The following C1orf87 variants were observed in gnomAD, a reference collection of about 807,000 sequenced individuals.
C1orf87 encodes uncharacterized protein C1orf87.
Under a neutral mutation model 60.5 loss-of-function variants are expected in C1orf87, and 58 were observed. The observed-to-expected ratio is 0.96, with a 90% CI of 0.78 to 1.19. The LOEUF is 1.19. Among genes scored for constraint, C1orf87 ranks in the 50% most tolerant of loss-of-function variants. The pLI, the probability that C1orf87 is intolerant of heterozygous loss-of-function variation, is 0.00. For missense variants in C1orf87, 673 were observed against 638.6 expected, an observed-to-expected ratio of 1.05 and a Z score of -0.58; for synonymous variants, 236 against 227.4, an observed-to-expected ratio of 1.04 and a Z score of -0.34.
intron 3 of C1orf87, among the ~76,000 whole-genome samples, chr1:60,047,732 C>CAAAA (rs11415374): frequency 1.4e-5 from 2 of 145,810 alleles, no homozygotes; most frequent in Non-Finnish European, 1.5e-5. Flanking sequence ...ATAGCAAGTC[C>CAAAA]AAAAAAAAAA....
At chr1:60,071,377 A>G (rs1645583103) in intron 2 of C1orf87, among the ~76,000 whole-genome samples, 1 of 152,190 alleles carries the variant, frequency 6.6e-6, no homozygotes, top group Non-Finnish European at 1.5e-5. Context: ...AAGGCCAAAG[A>G]TGTTAATTCA....
chr1:60,029,637 GTTTTT>G (rs34501342), intron 7 of C1orf87, among the ~76,000 whole-genome samples: 2 of 95,650 alleles, frequency 2.1e-5, no homozygotes, highest in Non-Finnish European at 3.8e-5. Flanking sequence ...GTCCCCCCAA[GTTTTT>G]TTTTTTTTTT....
intron 8 of C1orf87, among the ~76,000 whole-genome samples, chr1:60,021,887 A>T (rs762122113): frequency 2.0e-5 from 3 of 152,196 alleles, no homozygotes; most frequent in Non-Finnish European, 4.4e-5. Flanking sequence ...TGACAAGGAG[A>T]TATTTGAGCA....
chr1:60,029,760 C>T (rs1326582295), intron 7 of C1orf87, among the ~76,000 whole-genome samples: 1 of 151,552 alleles, frequency 6.6e-6, no homozygotes, highest in Non-Finnish European at 1.5e-5. Context: ...CCTGCCTCAG[C>T]CTCCCAAGTA....
At chr1:60,052,917 G>T (rs1038300382) in intron 3 of C1orf87, among the ~76,000 whole-genome samples, 6 of 152,266 alleles carry the variant, frequency 3.9e-5, no homozygotes, top group Non-Finnish European at 8.8e-5. Flanking sequence ...CCAATTAGTC[G>T]GTCCCCACAC....
intron 8 of C1orf87, among the ~76,000 whole-genome samples, chr1:60,020,454 G>A (rs1185757432): frequency 1.3e-5 from 2 of 152,210 alleles, no homozygotes. Context: ...CACAGGGCCA[G>A]AGCTGCCCAA....
intron 3 of C1orf87, among the ~76,000 whole-genome samples, chr1:60,044,021 GT>G (rs1248686469): frequency 6.6e-6 from 1 of 152,064 alleles, no homozygotes; most frequent in Non-Finnish European, 1.5e-5. Context: ...GAGTCTTTTT[GT>G]TTGTTTGTTT....
intron 5 of C1orf87, among the ~76,000 whole-genome samples, chr1:60,039,507 C>T (rs746118268): frequency 1.3e-5 from 2 of 152,184 alleles, no homozygotes; most frequent in Non-Finnish European, 2.9e-5. Context: ...CAGTAAATTT[C>T]AAAGATACTT....
At chr1:60,045,263 G>A (rs1645358081) in intron 3 of C1orf87, among the ~76,000 whole-genome samples, 1 of 151,928 alleles carries the variant, frequency 6.6e-6, no homozygotes, top group African/African-American at 2.4e-5. Context: ...GTGATAATGA[G>A]GACAGCCATG....
intron 5 of C1orf87, 119 bp downstream of exon 5, chr1:60,039,798 A>G: frequency 1.8e-6 from 2 of 1,108,034 alleles, no homozygotes; most frequent in South Asian, 3.1e-5. Context: ...TTTTTATCTC[A>G]GTAGTCAGGG....
chr1:60,073,442 G>A (rs559424408), intron 1 of C1orf87, among the ~76,000 whole-genome samples: 1 of 152,172 alleles, frequency 6.6e-6, no homozygotes, highest in East Asian at 1.9e-4. Context: ...TATTTGACAA[G>A]GGTCACAGAG....
At chr1:60,001,027 A>G (rs768438665) in intron 10 of C1orf87, 50 bp downstream of exon 10, 3 of 1,473,952 alleles carry the variant, frequency 2.0e-6, no homozygotes, top group Admixed American at 1.7e-5. Flanking sequence ...AGAAAAGGCC[A>G]AGTATCCATG....
intron 2 of C1orf87, among the ~76,000 whole-genome samples, chr1:60,064,440 T>G (rs1645521587): frequency 7.1e-6 from 1 of 140,160 alleles, no homozygotes; most frequent in Non-Finnish European, 1.5e-5. Context: ...AAAAGTTATG[T>G]TTACACTATA....
intron 8 of C1orf87, among the ~76,000 whole-genome samples, chr1:60,015,818 C>T (rs530143416): frequency 6.6e-6 from 1 of 152,314 alleles, no homozygotes; most frequent in East Asian, 1.9e-4. Context: ...GTGGCACGAT[C>T]TCAGCTCACT....
In C1orf87 at chr1:59,990,716, T is replaced by C; in HGVS notation, c.1598A>G (p.Asn533Ser). 1 of 1,614,030 alleles carries C rather than the reference T, an allele frequency of 6.2e-7. No individual in the cohort carries two copies. Among genetic ancestry groups the C allele is most frequent in the Admixed American group, 1.7e-5 (1 of 60,004 alleles). ...QALRRFRSGE[N>S]MLLEPALRYL... ...CCGCAGTGCTGGCTCCAAGAGCATA[T>C]TTTCTCCCGAACGGAATCTGCGCAA... is the stretch of plus-strand genomic sequence containing the variant. Residue 533 changes from asparagine (N) to serine (S), a missense_variant, in exon 12 of 12, where the codon AAT becomes AGT. Physicochemically the swap from Asn to Ser is conservative, Grantham distance 46. Transcript: ENST00000371201.
Position 60,033,585 on chromosome 1 carries a change from A to G in C1orf87, c.920T>C (p.Ile307Thr). 6.2e-7 allele frequency: 1 copy of G among 1,613,504 alleles called. No individual in the cohort carries two copies. ...GGTTGTCCTTAGTGCCATCTTCAAAATCTCCAACAGACTCCTGTTCACTTC... is the reference window on the plus strand; with the variant it reads ...GGTTGTCCTTAGTGCCATCTTCAAAGTCTCCAACAGACTCCTGTTCACTTC... ...QPEVNRSLLE[I>T]LKMALRTTNG... Residue 307 changes from isoleucine to threonine, a missense_variant, in exon 7 of 12, where the codon ATT becomes ACT. By Grantham distance (89) the Ile-to-Thr change is moderately conservative. Coordinates refer to ENST00000371201, the MANE Select transcript of C1orf87 (RefSeq NM_152377.3).
At chr1:59,997,164 C>T (rs907065739) in intron 11 of C1orf87, among the ~76,000 whole-genome samples, 12 of 152,048 alleles carry the variant, frequency 7.9e-5, no homozygotes, top group African/African-American at 9.7e-5. Context: ...CAGGCGTGTG[C>T]GAGACAAGGC....
intron 7 of C1orf87, among the ~76,000 whole-genome samples, chr1:60,025,906 G>A (rs1264272185): frequency 6.6e-6 from 1 of 152,078 alleles, no homozygotes; most frequent in Non-Finnish European, 1.5e-5. Context: ...GTATTAGCAG[G>A]GTTAATATTA....
intron 3 of C1orf87, among the ~76,000 whole-genome samples, chr1:60,041,562 T>A (rs1166031800): frequency 6.6e-6 from 1 of 152,178 alleles, no homozygotes; most frequent in African/African-American, 2.4e-5. Flanking sequence ...TATTATACTC[T>A]AGGAGTAATG....
Sources: gnomAD v4.1 joint callset for allele counts (sites outside exome capture counted in the v4.1 genomes callset) on GRCh38, gnomAD v4.1.1 for gene constraint, MANE v1.5 for transcripts, NCBI Gene and HGNC (gene_info 2026-07-23, HGNC 2026-07-21) for gene names.